Variants in ETF1 observed in about 807,000 individuals in gnomAD.
The protein encoded by ETF1 is eukaryotic peptide chain release factor subunit 1.
In ETF1, 4 loss-of-function variants were observed where a neutral mutation model predicts 55.1. The observed-to-expected ratio is 0.07, with a 90% CI of 0.04 to 0.17. The LOEUF (loss-of-function observed/expected upper bound fraction) is 0.17. ETF1 is among the 10% of genes least tolerant of loss of function. The pLI is 1.00. For synonymous variants in ETF1, 157 were observed against 182.3 expected, an observed-to-expected ratio of 0.86 and a Z score of 1.12; for missense variants, 142 against 523.6, an observed-to-expected ratio of 0.27 and a Z score of 7.11.
intron 2 of ETF1, among the ~76,000 whole-genome samples, chr5:138,534,759 C>T (rs1765843780): frequency 6.6e-6 from 1 of 152,168 alleles, no homozygotes; most frequent in Non-Finnish European, 1.5e-5. Context: ...AAATTAGCAC[C>T]ACAGGCTTTG....
chr5:138,534,528 T>C (rs1307211174), intron 2 of ETF1, among the ~76,000 whole-genome samples: 1 of 152,240 alleles, frequency 6.6e-6, no homozygotes. Flanking sequence ...CTCTCTCCAC[T>C]GATGCTCGTC....
chr5:138,510,150 A>G (rs1764710072), intron 9 of ETF1, among the ~76,000 whole-genome samples: 1 of 151,446 alleles, frequency 6.6e-6, no homozygotes, highest in Non-Finnish European at 1.5e-5. Context: ...TGAGCTCAGG[A>G]GTTTGAGACC....
At chr5:138,542,478 G>A (rs563655769) in intron 2 of ETF1, among the ~76,000 whole-genome samples, 12 of 151,314 alleles carry the variant, frequency 7.9e-5, no homozygotes, top group Admixed American at 3.3e-4. Flanking sequence ...AAGGAAGGCC[G>A]AACACTTTGC....
intron 2 of ETF1, 167 bp downstream of exon 2, chr5:138,542,666 A>C: frequency 6.9e-7 from 1 of 1,439,278 alleles, no homozygotes; most frequent in Non-Finnish European, 9.1e-7. Flanking sequence ...TTCTCGGGCC[A>C]ACCGCGCCGA....
intron 2 of ETF1, among the ~76,000 whole-genome samples, chr5:138,523,462 A>G (rs1765323834): frequency 6.6e-6 from 1 of 152,052 alleles, no homozygotes; most frequent in Non-Finnish European, 1.5e-5. Flanking sequence ...TGAACCCGGG[A>G]GGTGGGGGAT....
rs1399735475 is a variant in ETF1, at chr5:138,511,385, T to TAC, written c.862+88_862+89dup. 2.9e-6 allele frequency: 4 copies of TAC among 1,394,648 alleles called. No homozygotes were observed. The African/African-American group carries it at 6.8e-5, about 24-fold the overall frequency. 86.4% of individuals were successfully genotyped at this position (1,394,648 alleles called of 1,614,324 possible). On this transcript the variant is annotated intron_variant, in intron 7 of 10. Coordinates refer to ENST00000360541, the MANE Select transcript of ETF1 (RefSeq NM_004730.4). ...ACCTTGTCTCATACATACAATCACGTACATACACACACACACATACACACA... is the reference window on the plus strand; with the variant it reads ...ACCTTGTCTCATACATACAATCACGTACACATACACACACACACATACACACA...
At chr5:138,514,792 A>G (rs1476702730) in intron 4 of ETF1, among the ~76,000 whole-genome samples, 8 of 152,134 alleles carry the variant, frequency 5.3e-5, no homozygotes, top group Non-Finnish European at 1.2e-4. Context: ...TTAACTTTAT[A>G]TCCCTTTATG....
intron 6 of ETF1, among the ~76,000 whole-genome samples, chr5:138,512,252 ATATATATTT>A (rs1326090460): frequency 7.6e-4 from 10 of 13,138 alleles, no homozygotes; most frequent in South Asian, 3.8e-3. Flanking sequence ...ATATATATAT[ATATATATTT>A]TTTTTTTTTT....
intron 8 of ETF1, 105 bp downstream of exon 8, chr5:138,510,940 G>C: frequency 6.5e-7 from 1 of 1,527,062 alleles, no homozygotes; most frequent in Non-Finnish European, 8.8e-7. Context: ...ACAATGGGTA[G>C]ATCTACCTTC....
chr5:138,508,968 G>T, intron 9 of ETF1, 152 bp from the exon 10 acceptor site: 1 of 1,425,640 alleles, frequency 7.0e-7, no homozygotes, highest in South Asian at 1.6e-5. Context: ...CTCTGGTTTT[G>T]ATAACCTAAT....
intron 2 of ETF1, among the ~76,000 whole-genome samples, chr5:138,537,892 A>G (rs1177554155): frequency 2.4e-5 from 3 of 125,598 alleles, no homozygotes; most frequent in African/African-American, 5.9e-5. Flanking sequence ...TATTATTATT[A>G]TTATTTTTTT....
At chr5:138,532,185 T>C (rs921028968) in intron 2 of ETF1, among the ~76,000 whole-genome samples, 1 of 152,152 alleles carries the variant, frequency 6.6e-6, no homozygotes, top group African/African-American at 2.4e-5. Flanking sequence ...TTTCCAAAAC[T>C]GTCATTGTTT....
intron 2 of ETF1, among the ~76,000 whole-genome samples, chr5:138,542,228 G>C (rs1460817277): frequency 6.6e-6 from 1 of 152,152 alleles, no homozygotes; most frequent in East Asian, 1.9e-4. Flanking sequence ...GTGGGTCCTG[G>C]AACAGCTAAA....
chr5:138,512,248 ATATATATATATTTTTTT>A (rs1392863885), intron 6 of ETF1, among the ~76,000 whole-genome samples: 7 of 11,858 alleles, frequency 5.9e-4, no homozygotes, highest in East Asian at 5.6e-3. Flanking sequence ...ATATATATAT[ATATATATATATTTTTTT>A]TTTTTTTTAA....
chr5:138,543,103 G>A lies in ETF1; in HGVS notation c.-25C>T. Reference sequence around the variant, plus strand: ...TTCCCTCCCTGTGCCTTACCTAAGGGCCCAGTCCTGGGCGGCAGCGGCTGC... The same window carrying A: ...TTCCCTCCCTGTGCCTTACCTAAGGACCCAGTCCTGGGCGGCAGCGGCTGC... On this transcript the variant is annotated 5_prime_UTR_variant, in exon 1 of 11. Coordinates refer to ENST00000360541, the MANE Select transcript of ETF1 (RefSeq NM_004730.4). 3.1e-6 allele frequency: 2 copies of A among 642,286 alleles called. No homozygotes were observed. Among genetic ancestry groups the A allele is most frequent in the Non-Finnish European group, 2.7e-6 (1 of 377,206 alleles). 39.8% of individuals were successfully genotyped at this position (642,286 alleles called of 1,614,324 possible). A position where few individuals can be genotyped will look rare whatever the true frequency, so the allele number is the denominator to read the frequency against.
intron 6 of ETF1, chr5:138,511,885 C>T: frequency 1.0e-6 from 1 of 985,048 alleles, no homozygotes; most frequent in Non-Finnish European, 1.2e-6. Context: ...ACCACTGGCT[C>T]CTGCCAAATA....
At chr5:138,542,599 C>G in intron 2 of ETF1, 1 of 1,400,156 alleles carries the variant, frequency 7.1e-7, no homozygotes, top group Non-Finnish European at 9.3e-7. Flanking sequence ...CGAGGGGGGC[C>G]GAGTGATCTA....
intron 6 of ETF1, among the ~76,000 whole-genome samples, chr5:138,512,258 A>ATTTTTTT (rs58936942): frequency 1.0e-4 from 2 of 20,006 alleles, no homozygotes; most frequent in Admixed American, 8.7e-4. Flanking sequence ...ATATATATAT[A>ATTTTTTT]TTTTTTTTTT....
chr5:138,521,819 C>T (rs1474360564), intron 2 of ETF1, among the ~76,000 whole-genome samples: 5 of 152,168 alleles, frequency 3.3e-5, no homozygotes, highest in East Asian at 1.9e-4. Context: ...CGTGAGCCAC[C>T]GCGCCCAGCC....
Sources: gnomAD v4.1 joint callset for allele counts (sites outside exome capture counted in the v4.1 genomes callset) on GRCh38, gnomAD v4.1.1 for gene constraint, MANE v1.5 for transcripts, NCBI Gene and HGNC (gene_info 2026-07-23, HGNC 2026-07-21) for gene names.